Variants in SNTG1 observed in about 807,000 individuals in gnomAD.
SNTG1 encodes the protein gamma-1-syntrophin.
Under a neutral mutation model 74.7 loss-of-function variants are expected in SNTG1, and 39 were observed. The observed-to-expected ratio is 0.52, with a 90% CI of 0.40 to 0.68. SNTG1 has a LOEUF of 0.68. Ranked by LOEUF, SNTG1 falls within the 30% of genes least tolerant of loss-of-function variation. SNTG1 has a pLI of 0.00. For synonymous variants in SNTG1, 254 were observed against 217.1 expected (o/e 1.17, Z -1.49); for missense variants, 685 against 609.5 (o/e 1.12, Z -1.30).
intron 2 of SNTG1, among the ~76,000 whole-genome samples, chr8:50,351,907 A>G (rs895492686): frequency 3.3e-5 from 5 of 152,222 alleles, no homozygotes; most frequent in African/African-American, 1.2e-4. Flanking sequence ...ATTGGTTCAT[A>G]TGAATTAAAA....
intron 13 of SNTG1, among the ~76,000 whole-genome samples, chr8:50,594,541 C>T (rs1294955422): frequency 1.3e-5 from 2 of 151,864 alleles, no homozygotes; most frequent in African/African-American, 4.8e-5. Flanking sequence ...GAAATATTGA[C>T]ATTTGACGAA....
intron 1 of SNTG1, among the ~76,000 whole-genome samples, chr8:50,104,989 G>T (rs969653247): frequency 1.3e-5 from 2 of 152,058 alleles, no homozygotes; most frequent in Non-Finnish European, 2.9e-5. Context: ...TCTGTAGGTT[G>T]TCTATTTACT....
chr8:50,352,813 G>T (rs1207247216), intron 2 of SNTG1, among the ~76,000 whole-genome samples: 1 of 152,102 alleles, frequency 6.6e-6, no homozygotes, highest in Non-Finnish European at 1.5e-5. Context: ...TTTATTAAAA[G>T]AACATTTTTC....
intron 13 of SNTG1, among the ~76,000 whole-genome samples, chr8:50,637,986 T>C (rs1309522741): frequency 6.6e-6 from 1 of 152,130 alleles, no homozygotes. Flanking sequence ...ACATGACTTA[T>C]CTATGTGATA....
intron 1 of SNTG1, among the ~76,000 whole-genome samples, chr8:49,952,078 T>C (rs1585635843): frequency 6.6e-6 from 1 of 152,198 alleles, no homozygotes; most frequent in East Asian, 1.9e-4. Flanking sequence ...GCAAGAAATG[T>C]TATTTTAGAT....
intron 12 of SNTG1, among the ~76,000 whole-genome samples, chr8:50,567,415 T>C (rs557918835): frequency 2.6e-5 from 4 of 152,294 alleles, no homozygotes; most frequent in African/African-American, 9.6e-5. Context: ...TTCTTCCCTA[T>C]ATACCCTATA....
At chr8:50,307,971 A>G (rs140852144) in intron 2 of SNTG1, among the ~76,000 whole-genome samples, 55 of 152,110 alleles carry the variant, frequency 3.6e-4, no homozygotes, top group African/African-American at 1.2e-3. Flanking sequence ...CCCTTTGCCC[A>G]TATTTTTCTT....
intron 2 of SNTG1, among the ~76,000 whole-genome samples, chr8:50,200,778 C>T (rs2083957363): frequency 6.6e-6 from 1 of 151,978 alleles, no homozygotes; most frequent in Non-Finnish European, 1.5e-5. Flanking sequence ...ATGATCCATG[C>T]AATATTTATA....
intron 1 of SNTG1, among the ~76,000 whole-genome samples, chr8:50,098,464 T>C (rs2080010351): frequency 6.6e-6 from 1 of 152,038 alleles, no homozygotes; most frequent in Non-Finnish European, 1.5e-5. Flanking sequence ...AGGATTTTCA[T>C]TGCATTTGGT....
chr8:50,353,991 A>AC lies in SNTG1; in HGVS notation c.-27-40220dup, dbSNP rs1563933347. On this transcript the variant is annotated intron_variant, in intron 2 of 18. Transcript: ENST00000642720. ...TACCTGGCTCTCAGGTGAGGAAGAG[A>AC]CATGAGCCCTCAGCAGGGAGTTTCC... is the stretch of plus-strand genomic sequence containing the variant. 4.6e-5 allele frequency among the ~76,000 whole-genome samples: 7 copies of AC among 152,192 alleles called. No homozygotes were observed. In the South Asian group the frequency reaches 1.4e-3, roughly 32 times the overall value.
chr8:50,145,158 G>C (rs1238039819), intron 1 of SNTG1, among the ~76,000 whole-genome samples: 1 of 152,192 alleles, frequency 6.6e-6, no homozygotes, highest in East Asian at 1.9e-4. Flanking sequence ...TGGCCACCTG[G>C]AGGACAGCAG....
At chr8:50,710,161 TA>T (rs1364790253) in intron 17 of SNTG1, among the ~76,000 whole-genome samples, 2 of 152,182 alleles carry the variant, frequency 1.3e-5, no homozygotes, top group African/African-American at 4.8e-5. Context: ...TAGTTATTTT[TA>T]TTTTAACATG....
chr8:50,780,009 T>A (rs1191505039), intron 18 of SNTG1, among the ~76,000 whole-genome samples: 5 of 152,334 alleles, frequency 3.3e-5, no homozygotes, highest in South Asian at 2.1e-4. Context: ...TTACATTTAT[T>A]GATTTGTGTA....
intron 2 of SNTG1, among the ~76,000 whole-genome samples, chr8:50,288,343 T>A (rs2130523322): frequency 6.6e-6 from 1 of 152,172 alleles, no homozygotes; most frequent in South Asian, 2.1e-4. Flanking sequence ...CAAAAAAAAA[T>A]TAAATATTTC....
intron 2 of SNTG1, among the ~76,000 whole-genome samples, chr8:50,345,349 TCTGTTTTAGTGC>T (rs918373447): frequency 1.4e-4 from 22 of 152,218 alleles, no homozygotes; most frequent in African/African-American, 5.3e-4. Flanking sequence ...TGCCTGAGGC[TCTGTTTTAGTGC>T]CTGCGAGTGG....
chr8:50,341,202 C>T (rs953813998), intron 2 of SNTG1, among the ~76,000 whole-genome samples: 4 of 151,748 alleles, frequency 2.6e-5, no homozygotes, highest in Admixed American at 6.6e-5. Flanking sequence ...ATATTTTTTC[C>T]TATAGAAATA....
intron 1 of SNTG1, among the ~76,000 whole-genome samples, chr8:50,109,019 A>T (rs954891377): frequency 6.6e-6 from 1 of 152,160 alleles, no homozygotes; most frequent in Non-Finnish European, 1.5e-5. Context: ...AAATTCCATT[A>T]TTGAATATAA....
In SNTG1 at chr8:49,991,877, G is replaced by A. The variant is rs556381670; in HGVS notation, c.-103+79646G>A. Among the ~76,000 whole-genome samples the A allele has an allele frequency of 9.2e-5, 14 of 152,228 alleles. No homozygotes were observed. In the East Asian group the frequency reaches 2.7e-3, roughly 29 times the overall value. On this transcript the variant is annotated intron_variant, in intron 1 of 18. Coordinates refer to ENST00000642720, the MANE Select transcript of SNTG1 (RefSeq NM_018967.5). ...TGGCATGTTCTAAAATTAGATAGCT[G>A]TGATGTTTGCACAACTGTATAAATA...
intron 2 of SNTG1, among the ~76,000 whole-genome samples, chr8:50,332,458 A>C (rs1262727368): frequency 6.6e-6 from 1 of 151,962 alleles, no homozygotes; most frequent in African/African-American, 2.4e-5. Context: ...TTTTTTTTAA[A>C]ATGTGTTTTA....
Sources: gnomAD v4.1 joint callset for allele counts (sites outside exome capture counted in the v4.1 genomes callset) on GRCh38, gnomAD v4.1.1 for gene constraint, MANE v1.5 for transcripts, NCBI Gene and HGNC (gene_info 2026-07-23, HGNC 2026-07-21) for gene names.